Variants in YEATS2 observed in about 807,000 individuals in gnomAD.
The protein encoded by YEATS2 is YEATS domain-containing protein 2.
Under a neutral mutation model 163.2 loss-of-function variants are expected in YEATS2, and 77 were observed. That is an observed-to-expected ratio of 0.47 (90% CI 0.39 to 0.57). The LOEUF (loss-of-function observed/expected upper bound fraction) is 0.57, where lower values mean the gene tolerates loss of function less well. YEATS2 is among the 20% of genes least tolerant of loss of function. The pLI is 0.00. For synonymous variants in YEATS2, 631 were observed against 645.1 expected (o/e 0.98, Z 0.33); for missense variants, 1,549 against 1,729.8 (o/e 0.90, Z 1.85).
At chr3:183,736,228 T>C (rs942408643) in intron 7 of YEATS2, among the ~76,000 whole-genome samples, 1 of 152,194 alleles carries the variant, frequency 6.6e-6, no homozygotes, top group Middle Eastern at 3.2e-3. Flanking sequence ...GAAGGTCATA[T>C]TGTGAACATA....
chr3:183,735,456 A>G (rs1307393348), intron 7 of YEATS2, among the ~76,000 whole-genome samples: 2 of 152,002 alleles, frequency 1.3e-5, no homozygotes, highest in African/African-American at 4.8e-5. Context: ...AGGGCACTCT[A>G]GTTTTCTTTG....
intron 27 of YEATS2, chr3:183,806,464 T>C: frequency 2.2e-6 from 1 of 457,278 alleles, no homozygotes; most frequent in Non-Finnish European, 4.4e-6. Flanking sequence ...ATGTTAACAG[T>C]CCTGCTCTCT....
At chr3:183,747,836 G>A (rs1278597166) in intron 9 of YEATS2, 120 bp downstream of exon 9, 28 of 847,936 alleles carry the variant, frequency 3.3e-5, no homozygotes, top group Non-Finnish European at 4.3e-5. Context: ...CTGGAGTGCA[G>A]TGGCATGATC....
intron 7 of YEATS2, among the ~76,000 whole-genome samples, chr3:183,732,772 G>A (rs1044930150): frequency 6.6e-5 from 10 of 151,436 alleles, no homozygotes; most frequent in Admixed American, 3.3e-4. Flanking sequence ...TATTAGCCAC[G>A]ATGGTCTCGA....
intron 7 of YEATS2, among the ~76,000 whole-genome samples, chr3:183,733,989 C>G (rs112261289): frequency 6.6e-6 from 1 of 152,040 alleles, no homozygotes; most frequent in Non-Finnish European, 1.5e-5. Context: ...GAAACTGGAG[C>G]GGGCCAGCTC....
At chr3:183,727,577 G>C (rs1213216726) in intron 6 of YEATS2, among the ~76,000 whole-genome samples, 3 of 152,148 alleles carry the variant, frequency 2.0e-5, no homozygotes, top group Admixed American at 1.3e-4. Flanking sequence ...TGGGCAACTT[G>C]GCCCCCCCAT....
chr3:183,758,903 C>A lies in YEATS2; in HGVS notation c.1594C>A (p.Gln532Lys), dbSNP rs766853438. The A allele has an allele frequency of 1.3e-6, 2 of 1,597,116 alleles. No individual in the cohort carries two copies. The highest frequency in any genetic ancestry group is 1.8e-5 in the Admixed American group (1 of 55,456). The change falls in exon 13 of 31, where the codon CAA becomes AAA. Residue 532 changes from glutamine to lysine, a missense_variant. Physicochemically the swap from Gln to Lys is moderately conservative, Grantham distance 53. Coordinates refer to ENST00000305135, the MANE Select transcript of YEATS2 (RefSeq NM_018023.5). ...NKISTASQVSQGTGSPVPKIH... is the reference protein window; with the variant it reads ...NKISTASQVSKGTGSPVPKIH... ...GATCTCCACGGCTTCTCAGGTCTCC[C>A]AAGGAACAGGTTCCCCTGTTCCTAA...
intron 19 of YEATS2, among the ~76,000 whole-genome samples, chr3:183,780,156 A>C (rs1227887394): frequency 1.3e-5 from 2 of 152,182 alleles, no homozygotes; most frequent in Non-Finnish European, 2.9e-5. Flanking sequence ...GAGTAACAAC[A>C]GTATTTGAAA....
In YEATS2 at chr3:183,807,035, C is replaced by T; in HGVS notation, c.3954C>T (p.Val1318=). 6.2e-7 allele frequency: 1 copy of T among 1,614,102 alleles called. No homozygotes were observed. The highest frequency in any genetic ancestry group is 8.5e-7 in the Non-Finnish European group (1 of 1,180,034). The change falls in exon 28 of 31, where the codon GTC becomes GTT. Residue 1318 remains valine, a synonymous_variant. Coordinates refer to ENST00000305135, the MANE Select transcript of YEATS2 (RefSeq NM_018023.5). Reference sequence around the variant, plus strand: ...AGCAGGAAGAGAAACAAGAGGAAGTCAAGTTCTACCTGCCACCAACCCCAG... The same window carrying T: ...AGCAGGAAGAGAAACAAGAGGAAGTTAAGTTCTACCTGCCACCAACCCCAG... The part of the protein sequence containing the change: ...KKEQEEKQEE[V]KFYLPPTPGS...
chr3:183,712,246 T>C (rs1197711594), intron 1 of YEATS2, among the ~76,000 whole-genome samples: 1 of 149,882 alleles, frequency 6.7e-6, no homozygotes, highest in Non-Finnish European at 1.5e-5. Flanking sequence ...AGTCTCACCC[T>C]GTCTCCCAGG....
At position 183,762,240 on chromosome 3, in the gene YEATS2, A is replaced by T; in HGVS notation, c.1908A>T (p.Gly636=). 1 of 1,611,116 alleles carries T rather than the reference A, an allele frequency of 6.2e-7. No homozygotes were observed. Among genetic ancestry groups the T allele is most frequent in the South Asian group, 1.1e-5 (1 of 90,974 alleles). ...CTCAAAAACAGGTCATAACTCCTGG[A>T]GAAGGGATTGCCCAGTCAGCAAAGG... is the stretch of plus-strand genomic sequence containing the variant. ...VSPQKQVITP[G]EGIAQSAKVQ... Residue 636 remains glycine (G), a synonymous_variant, in exon 15 of 31, where the codon GGA becomes GGT. Coordinates refer to ENST00000305135, the MANE Select transcript of YEATS2 (RefSeq NM_018023.5).
rs75535501 is a variant in YEATS2 at position 183,747,695 on chromosome 3, G to T, written c.948G>T (p.Leu316Phe). 5 of 1,612,470 alleles carry T rather than the reference G, an allele frequency of 3.1e-6. No individual in the cohort carries two copies. In the East Asian group the frequency reaches 6.7e-5, roughly 22 times the overall value. Residue 316 changes from leucine to phenylalanine, a missense_variant, in exon 9 of 31, where the codon TTG (leucine) becomes TTT (phenylalanine). Transcript: ENST00000305135. ...NLKLDRTYTGLQTLGAETVVD... is the reference protein window; with the variant it reads ...NLKLDRTYTGFQTLGAETVVD... ...AGCTGGATAGAACTTATACTGGCTT[G>T]CAGACTCTTGGAGCAGAGACGGTAG...
chr3:183,790,880 G>T lies in YEATS2; in HGVS notation c.2997G>T (p.Gln999His), dbSNP rs762205312. The change falls in exon 21 of 31, where the codon CAG becomes CAT. Residue 999 changes from glutamine to histidine, a missense_variant. Coordinates refer to ENST00000305135, the MANE Select transcript of YEATS2 (RefSeq NM_018023.5). ...GGCAGCAGCAAGTGTGTGTGAGCCA[G>T]GCCACCGTGGGAACCTGCAAGGCTG... Reference protein sequence around the residue: ...TSGQQQVCVSQATVGTCKAAT... With the variant: ...TSGQQQVCVSHATVGTCKAAT... 1.6e-5 allele frequency: 26 copies of T among 1,614,022 alleles called. No homozygotes were observed. The East Asian group carries it at 5.1e-4, about 32-fold the overall frequency.
intron 1 of YEATS2, among the ~76,000 whole-genome samples, chr3:183,711,608 T>C (rs1715230037): frequency 6.6e-6 from 1 of 152,182 alleles, no homozygotes; most frequent in East Asian, 1.9e-4. Flanking sequence ...TGATTCATGA[T>C]GTTTATAAAT....
rs116265793 is a variant in YEATS2 at position 183,746,623 on chromosome 3, G to A, written c.925-1049G>A. 5.7e-3 allele frequency among the ~76,000 whole-genome samples: 864 copies of A among 151,460 alleles called. 8 individuals are homozygous for A. The highest frequency in any genetic ancestry group is 0.02 in the African/African-American group (808 of 41,282). On this transcript the variant is annotated intron_variant, in intron 8 of 30. Coordinates refer to ENST00000305135, the MANE Select transcript of YEATS2 (RefSeq NM_018023.5). ...AGAGAGACTATTATTTCTATGCTCT[G>A]GAGACTGTGAAAATGGATGTAACCT... is the stretch of plus-strand genomic sequence containing the variant.
chr3:183,793,651 C>T (rs1482189245), intron 21 of YEATS2, among the ~76,000 whole-genome samples: 5 of 75,184 alleles, frequency 6.7e-5, no homozygotes, highest in South Asian at 3.8e-4. Context: ...TTGTTCTTGT[C>T]GCCCAGTCTG....
intron 19 of YEATS2, among the ~76,000 whole-genome samples, chr3:183,779,790 T>C (rs904123785): frequency 6.6e-6 from 1 of 151,952 alleles, no homozygotes; most frequent in Non-Finnish European, 1.5e-5. Flanking sequence ...CTCCGCCTCC[T>C]GGGTTCAAGC....
At chr3:183,801,282 C>A in intron 24 of YEATS2, 173 bp from the exon 25 acceptor site, 1 of 481,742 alleles carries the variant, frequency 2.1e-6, no homozygotes, top group Non-Finnish European at 3.7e-6. Context: ...GCATAGAACA[C>A]CCCTCCTTTA....
At chr3:183,698,458 C>G (rs1243215590) in intron 1 of YEATS2, among the ~76,000 whole-genome samples, 5 of 152,104 alleles carry the variant, frequency 3.3e-5, no homozygotes, top group Non-Finnish European at 5.9e-5. Context: ...AGGGATGGGG[C>G]CGGGGCCAAC....
Sources: allele counts gnomAD v4.1 joint callset (sites outside exome capture counted in the v4.1 genomes callset), GRCh38; gene constraint gnomAD v4.1.1; transcripts MANE v1.5; gene names NCBI Gene and HGNC (gene_info 2026-07-23, HGNC 2026-07-21).